Variants in GOSR1 observed in about 807,000 individuals in gnomAD.
GOSR1 encodes golgi SNAP receptor complex member 1.
GOSR1 carries 21 observed loss-of-function variants against 35.5 expected under a neutral mutation model. The observed-to-expected ratio is 0.59, with a 90% CI of 0.42 to 0.85. The LOEUF (loss-of-function observed/expected upper bound fraction) is 0.85, where lower values mean the gene tolerates loss of function less well. GOSR1 is among the 40% of genes least tolerant of loss of function. GOSR1 has a pLI of 0.00. For synonymous variants in GOSR1, 94 were observed against 106.6 expected, an observed-to-expected ratio of 0.88 and a Z score of 0.73; for missense variants, 285 against 309.6, an observed-to-expected ratio of 0.92 and a Z score of 0.60.
intron 4 of GOSR1, among the ~76,000 whole-genome samples, chr17:30,486,008 G>A (rs1373638654): frequency 7.4e-6 from 1 of 134,328 alleles, no homozygotes; most frequent in African/African-American, 2.9e-5. Context: ...CTACAAGACT[G>A]AGACTCCATC....
At chr17:30,518,434 AT>A (rs1252383434) in intron 7 of GOSR1, among the ~76,000 whole-genome samples, 3 of 85,226 alleles carry the variant, frequency 3.5e-5, no homozygotes, top group South Asian at 3.2e-4. Context: ...CAATCTCTTG[AT>A]TTAAAAAAAA....
chr17:30,503,496 A>G (rs1159149224), intron 6 of GOSR1, among the ~76,000 whole-genome samples: 1 of 152,236 alleles, frequency 6.6e-6, no homozygotes. Flanking sequence ...CTTGAATTAT[A>G]TATTTTATAC....
At position 30,522,640 on chromosome 17, in the gene GOSR1, G is replaced by T. The variant is rs1353107702; in HGVS notation, c.*262G>T. 1 of 248,206 alleles carries T rather than the reference G, an allele frequency of 4.0e-6. No individual in the cohort carries two copies. Among genetic ancestry groups the T allele is most frequent in the Non-Finnish European group, 7.6e-6 (1 of 132,282 alleles). 15.4% of individuals were successfully genotyped at this position (248,206 alleles called of 1,614,324 possible). On this transcript the variant is annotated 3_prime_UTR_variant, in exon 9 of 9. Transcript: ENST00000451249. ...TCAGTTGCTTTTGTCTCCCTAGGAG[G>T]CAGGTAAACCAATCAAAAACAGAGT...
chr17:30,490,887 G>C (rs188804349), intron 5 of GOSR1, among the ~76,000 whole-genome samples: 1 of 151,978 alleles, frequency 6.6e-6, no homozygotes, highest in Non-Finnish European at 1.5e-5. Flanking sequence ...AGTCCCATGG[G>C]CGTCTCATTG....
chr17:30,485,101 C>A, intron 4 of GOSR1: 1 of 365,506 alleles, frequency 2.7e-6, no homozygotes, highest in South Asian at 2.4e-5. Context: ...GGTGGGTAAG[C>A]GTGTACTTTC....
intron 6 of GOSR1, among the ~76,000 whole-genome samples, chr17:30,504,894 A>G (rs1411528626): frequency 2.6e-5 from 4 of 152,362 alleles, no homozygotes; most frequent in South Asian, 2.1e-4. Context: ...TCTGACCTCT[A>G]TGGTTGAGAA....
intron 5 of GOSR1, among the ~76,000 whole-genome samples, chr17:30,492,208 T>G (rs1484203694): frequency 6.6e-6 from 1 of 152,220 alleles, no homozygotes; most frequent in African/African-American, 2.4e-5. Context: ...TCCTTAAGTG[T>G]GCCAAAATGA....
Position 30,525,081 on chromosome 17 carries a change from A to G in GOSR1, c.*2703A>G, listed in dbSNP as rs1046811632. 2 of 152,234 alleles carry G rather than the reference A, an allele frequency of 1.3e-5. No homozygotes were observed. The highest frequency in any genetic ancestry group is 2.4e-5 in the African/African-American group (1 of 41,458). 9.4% of individuals were successfully genotyped at this position (152,234 alleles called of 1,614,324 possible). ...CTACAGCCTGGTTTGTAGACTTCCA[A>G]CATCTACACTGCTGCTCTTCACCAT... On this transcript the variant is annotated 3_prime_UTR_variant, in exon 9 of 9. Transcript: ENST00000451249.
intron 6 of GOSR1, among the ~76,000 whole-genome samples, chr17:30,500,112 T>C (rs1438374974): frequency 6.6e-6 from 1 of 152,198 alleles, no homozygotes; most frequent in Non-Finnish European, 1.5e-5. Context: ...AAGTATTTTC[T>C]CTGAGCCTGT....
chr17:30,484,406 C>T (rs1434776270), intron 3 of GOSR1, 105 bp downstream of exon 3: 2 of 776,632 alleles, frequency 2.6e-6, no homozygotes, highest in Admixed American at 3.6e-5. Flanking sequence ...TTATCCATTC[C>T]ATTCAATATG....
intron 6 of GOSR1, among the ~76,000 whole-genome samples, chr17:30,504,089 C>T (rs1013441212): frequency 2.7e-5 from 4 of 150,634 alleles, no homozygotes; most frequent in African/African-American, 9.8e-5. Flanking sequence ...TGCAATGGCA[C>T]GATCTCGGCT....
chr17:30,481,918 C>G (rs1028664074), intron 2 of GOSR1, among the ~76,000 whole-genome samples: 1 of 151,738 alleles, frequency 6.6e-6, no homozygotes, highest in Non-Finnish European at 1.5e-5. Context: ...TCACTTGAGC[C>G]CAGGAGTTCA....
At chr17:30,502,582 G>T (rs1430042663) in intron 6 of GOSR1, among the ~76,000 whole-genome samples, 1 of 152,156 alleles carries the variant, frequency 6.6e-6, no homozygotes, top group African/African-American at 2.4e-5. Flanking sequence ...AACTGAGCAG[G>T]AATCTGTCAG....
At chr17:30,483,593 T>C (rs1057123007) in intron 2 of GOSR1, among the ~76,000 whole-genome samples, 3 of 152,226 alleles carry the variant, frequency 2.0e-5, no homozygotes, top group African/African-American at 7.2e-5. Flanking sequence ...TTCAGTAAGA[T>C]TGGAGACTAT....
At chr17:30,520,239 G>A (rs1166342208) in intron 8 of GOSR1, 4 of 402,430 alleles carry the variant, frequency 9.9e-6, no homozygotes, top group Non-Finnish European at 1.8e-5. Flanking sequence ...ACTACTAGAT[G>A]TAGAAGAAAA....
At chr17:30,485,053 C>A in intron 4 of GOSR1, 1 of 434,974 alleles carries the variant, frequency 2.3e-6, no homozygotes, top group East Asian at 5.0e-5. Flanking sequence ...CTAGCTGTAA[C>A]AGTGAAATAG....
Position 30,492,696 on chromosome 17 carries a change from C to A in GOSR1, c.452C>A (p.Ser151Tyr). The A allele has an allele frequency of 6.3e-7, 1 of 1,597,620 alleles. No individual in the cohort carries two copies. The highest frequency in any genetic ancestry group is 8.6e-7 in the Non-Finnish European group (1 of 1,166,042). Residue 151 changes from serine to tyrosine, a missense_variant, in exon 6 of 9, where the codon TCT (serine) becomes TAT (tyrosine). Physicochemically the swap from Ser to Tyr is moderately radical, Grantham distance 144 (BLOSUM62 -2). Around this residue, in one of 3 missense-constraint regions of GOSR1, gnomAD observed 168 missense variants for 183.2 expected, o/e 0.92. Coordinates refer to ENST00000451249, the MANE Select transcript of GOSR1 (RefSeq NM_001007025.2). ...RKDIESYKSG[S>Y]GVNNRRTELF... ...TGTCCCAGGTCATATAAAAGTGGGT[C>A]TGGAGTAAACAACAGAAGAACTGAG...
In GOSR1 at chr17:30,502,988, T is replaced by G. The variant is rs1187193724; in HGVS notation, c.510-7892T>G. 2.0e-5 allele frequency among the ~76,000 whole-genome samples: 3 copies of G among 152,266 alleles called. No homozygotes were observed. In the East Asian group the frequency reaches 5.8e-4, roughly 29 times the overall value. ...CAATGCTTAATGTAAATGGTCTGAT[T>G]GGTTAGTGACAACCTCATCAATTAT... On this transcript the variant is annotated intron_variant, in intron 6 of 8. Transcript: ENST00000451249.
At chr17:30,511,610 A>C (rs1989389) in intron 7 of GOSR1, among the ~76,000 whole-genome samples, 65,793 of 151,368 alleles carry the variant, frequency 0.43, 15,061 homozygotes, top group East Asian at 0.83. Flanking sequence ...GCTCACTGCA[A>C]CCTCCGCCTC....
Sources: gnomAD v4.1 joint callset for allele counts (sites outside exome capture counted in the v4.1 genomes callset) on GRCh38, gnomAD v4.1.1 for gene constraint, gnomAD v4.1.1 regional missense constraint, MANE v1.5 for transcripts, NCBI Gene and HGNC (gene_info 2026-07-23, HGNC 2026-07-21) for gene names.